The following BCL2L13 variants were observed in gnomAD, a reference collection of about 807,000 sequenced individuals.
The protein encoded by BCL2L13 is BCL2 like 13.
In BCL2L13, 13 loss-of-function variants were observed where a neutral mutation model predicts 25.8. The ratio of observed to expected loss-of-function variants is 0.50; its 90% CI spans 0.33 to 0.80. The LOEUF is 0.80. Ranked by LOEUF, BCL2L13 falls within the 30% of genes least tolerant of loss-of-function variation. The pLI is 0.02. For synonymous variants in BCL2L13, 244 were observed against 230.3 expected (o/e 1.06, Z -0.54); for missense variants, 504 against 574.9 (o/e 0.88, Z 1.26).
intron 1 of BCL2L13, among the ~76,000 whole-genome samples, chr22:17,639,529 T>C (rs760977212): frequency 3.3e-5 from 5 of 152,224 alleles, no homozygotes; most frequent in Non-Finnish European, 5.9e-5. Flanking sequence ...GTGGAGGCTC[T>C]AACCTAGCGT....
At chr22:17,671,177 G>A (rs574728212) in intron 2 of BCL2L13, among the ~76,000 whole-genome samples, 1 of 152,226 alleles carries the variant, frequency 6.6e-6, no homozygotes, top group Non-Finnish European at 1.5e-5. Flanking sequence ...GGTAGATCAT[G>A]AGGTCAAGAG....
chr22:17,723,573 C>A (rs1016427654), intron 6 of BCL2L13, among the ~76,000 whole-genome samples: 1 of 152,212 alleles, frequency 6.6e-6, no homozygotes, highest in East Asian at 1.9e-4. Flanking sequence ...CAAACAATAG[C>A]AAGTTATGAA....
intron 6 of BCL2L13, among the ~76,000 whole-genome samples, chr22:17,708,247 A>T (rs2060646567): frequency 6.6e-6 from 1 of 152,174 alleles, no homozygotes; most frequent in Non-Finnish European, 1.5e-5. Flanking sequence ...CTATCTATGA[A>T]TACTTCTGGC....
At chr22:17,643,846 C>T (rs956332034) in intron 1 of BCL2L13, among the ~76,000 whole-genome samples, 2 of 151,936 alleles carry the variant, frequency 1.3e-5, no homozygotes, top group Non-Finnish European at 2.9e-5. Flanking sequence ...ATCTCCTGAT[C>T]TTGTGATCCG....
rs769440316 is a variant in BCL2L13 at position 17,727,098 on chromosome 22, C to A, written c.1022C>A (p.Ala341Asp). ...GAGCTGCAAGAGGCACTTCCTGAAG[C>A]CCCAGCTCCCTTGCTTCCACATATC... ...ARELQEALPE[A>D]PAPLLPHITA... Residue 341 changes from alanine to aspartate, a missense_variant, in exon 7 of 7, where the codon GCC becomes GAC. Physicochemically the swap from Ala to Asp is moderately radical, Grantham distance 126 (BLOSUM62 -2). Transcript: ENST00000317582. 17 of 1,614,062 alleles carry A rather than the reference C, an allele frequency of 1.1e-5. No individual in the cohort carries two copies. In the African/African-American group the frequency reaches 2.0e-4, roughly 19 times the overall value.
chr22:17,629,818 T>TACACACACAC (rs3044578), intron 1 of BCL2L13, among the ~76,000 whole-genome samples: 3,953 of 148,124 alleles, frequency 0.027, 130 homozygotes, highest in African/African-American at 0.076. Flanking sequence ...TTTATTTTCA[T>TACACACACAC]ACACACACAC....
At chr22:17,667,367 C>T (rs368930435) in intron 2 of BCL2L13, among the ~76,000 whole-genome samples, 3 of 151,950 alleles carry the variant, frequency 2.0e-5, no homozygotes, top group Admixed American at 6.6e-5. Context: ...AGATGGGTTT[C>T]GCCATGTTGG....
At chr22:17,708,383 G>C (rs536482086) in intron 6 of BCL2L13, among the ~76,000 whole-genome samples, 149 of 152,304 alleles carry the variant, frequency 9.8e-4, no homozygotes, top group African/African-American at 3.5e-3. Flanking sequence ...GCCTGGGCTT[G>C]AATCCCAGCT....
chr22:17,706,673 A>C, intron 6 of BCL2L13: 1 of 1,320,794 alleles, frequency 7.6e-7, no homozygotes, highest in Non-Finnish European at 1.0e-6. Context: ...TTTGCCCTGC[A>C]GCCCGGTGAG....
chr22:17,637,386 G>T (rs150887895), upstream of BCL2L13, among the ~76,000 whole-genome samples: 1 of 128,352 alleles, frequency 7.8e-6, no homozygotes, highest in Non-Finnish European at 1.7e-5. Flanking sequence ...CAGCCTGGGC[G>T]ACAGAGTGAG....
chr22:17,680,216 A>T (rs1425573256), intron 2 of BCL2L13, among the ~76,000 whole-genome samples: 2 of 25,498 alleles, frequency 7.8e-5, no homozygotes, highest in South Asian at 1.2e-3. Flanking sequence ...ACTCTCTCTC[A>T]AAAAAAAAAA....
intron 1 of BCL2L13, among the ~76,000 whole-genome samples, chr22:17,640,893 T>G (rs996232385): frequency 1.2e-4 from 6 of 48,742 alleles, no homozygotes; most frequent in African/African-American, 8.0e-4. Flanking sequence ...TATATATATA[T>G]ATATATTTTT....
chr22:17,645,876 G>A (rs2058456292), intron 1 of BCL2L13, among the ~76,000 whole-genome samples: 1 of 151,144 alleles, frequency 6.6e-6, no homozygotes, highest in Admixed American at 6.6e-5. Context: ...CTTGATTGGA[G>A]AATATTTAGG....
chr22:17,643,230 A>G (rs910841070), intron 1 of BCL2L13, among the ~76,000 whole-genome samples: 1 of 152,002 alleles, frequency 6.6e-6, no homozygotes, highest in Non-Finnish European at 1.5e-5. Context: ...TAAAAATGAT[A>G]CTTGTCCAGT....
At chr22:17,630,748 G>A (rs775422443) in intron 1 of BCL2L13, among the ~76,000 whole-genome samples, 29 of 151,410 alleles carry the variant, frequency 1.9e-4, no homozygotes, top group Non-Finnish European at 3.5e-4. Flanking sequence ...CTGCCACCAC[G>A]CCCAGCTAAT....
At chr22:17,629,308 T>C (rs978229195) in intron 1 of BCL2L13, among the ~76,000 whole-genome samples, 4 of 152,308 alleles carry the variant, frequency 2.6e-5, no homozygotes, top group Non-Finnish European at 4.4e-5. Flanking sequence ...AAGTTACCTT[T>C]TTTAACCCCC....
intron 1 of BCL2L13, among the ~76,000 whole-genome samples, chr22:17,655,004 G>T (rs1030419463): frequency 6.6e-6 from 1 of 152,106 alleles, no homozygotes; most frequent in African/African-American, 2.4e-5. Flanking sequence ...GATTACATGC[G>T]TGAGCCACCA....
At chr22:17,657,823 C>CTTTTTTTTTTTTTTT (rs71201859) in intron 2 of BCL2L13, among the ~76,000 whole-genome samples, 2 of 85,764 alleles carry the variant, frequency 2.3e-5, no homozygotes, top group Non-Finnish European at 4.2e-5. Flanking sequence ...GTTGACATTT[C>CTTTTTTTTTTTTTTT]TTTTTTTTTT....
At chr22:17,725,892 T>A (rs2071682745) in intron 6 of BCL2L13, among the ~76,000 whole-genome samples, 1 of 150,266 alleles carries the variant, frequency 6.7e-6, no homozygotes, top group Non-Finnish European at 1.5e-5. Context: ...TAATTTTATA[T>A]AATATTAATA....
Sources: allele counts gnomAD v4.1 joint callset (sites outside exome capture counted in the v4.1 genomes callset), GRCh38; gene constraint gnomAD v4.1.1; transcripts MANE v1.5; gene names NCBI Gene and HGNC (gene_info 2026-07-23, HGNC 2026-07-21).